ARG1: variants seen among roughly 807,000 people sequenced by gnomAD.
ARG1 encodes the protein arginase-1.
A neutral mutation model predicts 33.0 loss-of-function variants in ARG1; 20 were observed. The ratio of observed to expected loss-of-function variants is 0.61; its 90% CI spans 0.43 to 0.88. The LOEUF (loss-of-function observed/expected upper bound fraction) is 0.88, where lower values mean the gene tolerates loss of function less well. Among genes scored for constraint, ARG1 ranks in the 40% least tolerant of loss-of-function variants. The pLI, the probability that ARG1 is intolerant of heterozygous loss-of-function variation, is 0.00. For missense variants in ARG1, 374 were observed against 384.7 expected, an observed-to-expected ratio of 0.97 and a Z score of 0.23; for synonymous variants, 146 against 140.6, an observed-to-expected ratio of 1.04 and a Z score of -0.27.
chr6:131,580,650 T>C (rs1773872347), intron 3 of ARG1, among the ~76,000 whole-genome samples: 1 of 152,146 alleles, frequency 6.6e-6, no homozygotes, highest in Admixed American at 6.6e-5. Flanking sequence ...CCTGGTTGAG[T>C]GGGTAACTAG....
Position 131,583,784 on chromosome 6 carries a change from T to C in ARG1, c.845T>C (p.Leu282Pro). The stretch of plus-strand genomic sequence containing the variant: ...GATATAATGGAAGTGAACCCATCCC[T>C]GGGGAAGACACCAGAAGAAGTAACT... ...GLDIMEVNPS[L>P]GKTPEEVTRT... The change falls in exon 8 of 8, where the codon CTG (leucine) becomes CCG (proline). Residue 282 changes from leucine (L) to proline (P), a missense_variant. By Grantham distance (98) the Leu-to-Pro change is moderately conservative. Coordinates refer to ENST00000368087, the MANE Select transcript of ARG1 (RefSeq NM_000045.4). 2 of 1,614,146 alleles carry C rather than the reference T, an allele frequency of 1.2e-6. No homozygotes were observed. Among genetic ancestry groups the C allele is most frequent in the Non-Finnish European group, 1.7e-6 (2 of 1,180,000 alleles).
In ARG1 at chr6:131,581,269, G is replaced by C; in HGVS notation, c.356G>C (p.Gly119Ala). ...SGHARVHPDLGVIWVDAHTDI... is the reference protein window; with the variant it reads ...SGHARVHPDLAVIWVDAHTDI... ...CATGCCAGGGTCCACCCTGATCTTG[G>C]AGTCATCTGGGTGGATGCTCACACT... The change falls in exon 4 of 8, where the codon GGA becomes GCA. Residue 119 changes from glycine (G) to alanine (A), a missense_variant. Transcript: ENST00000368087. 1 of 1,613,900 alleles carries C rather than the reference G, an allele frequency of 6.2e-7. No individual in the cohort carries two copies. The highest frequency in any genetic ancestry group is 1.1e-5 in the South Asian group (1 of 91,068).
At position 131,583,831 on chromosome 6, in the gene ARG1, G is replaced by T; in HGVS notation, c.892G>T (p.Ala298Ser). The change falls in exon 8 of 8, where the codon GCA (alanine) becomes TCA (serine). Residue 298 changes from alanine to serine, a missense_variant. By Grantham distance (99) the Ala-to-Ser change is moderately conservative (BLOSUM62 1). Transcript: ENST00000368087. ...AACTCGAACAGTGAACACAGCAGTT[G>T]CAATAACCTTGGCTTGTTTCGGACT... Reference protein sequence around the residue: ...EVTRTVNTAVAITLACFGLAR... With the variant: ...EVTRTVNTAVSITLACFGLAR... 6.2e-7 allele frequency: 1 copy of T among 1,614,120 alleles called. No individual in the cohort carries two copies. The highest frequency in any genetic ancestry group is 8.5e-7 in the Non-Finnish European group (1 of 1,180,000).
chr6:131,584,038 T>C lies in ARG1; in HGVS notation c.*130T>C. On this transcript the variant is annotated 3_prime_UTR_variant, in exon 8 of 8. Coordinates refer to ENST00000368087, the MANE Select transcript of ARG1 (RefSeq NM_000045.4). ...AAATGTTTTTCCAATTAGTATAAAC[T>C]CTACAAATTCCCTCTTGGTGTAAAA... 9.9e-7 allele frequency: 1 copy of C among 1,005,958 alleles called. No homozygotes were observed. The highest frequency in any genetic ancestry group is 1.4e-6 in the Non-Finnish European group (1 of 701,546). The allele number at this position is 1,005,958 out of a possible 1,614,324, so 62.3% of individuals were successfully genotyped here.
chr6:131,576,575 C>CA, intron 1 of ARG1, 88 bp from the exon 2 acceptor site: 1 of 1,273,518 alleles, frequency 7.9e-7, no homozygotes, highest in Non-Finnish European at 1.1e-6. Context: ...AGTTACAGTT[C>CA]AACTGATTAA....
chr6:131,574,967 AC>A (rs1188731913), intron 1 of ARG1, among the ~76,000 whole-genome samples: 3 of 152,172 alleles, frequency 2.0e-5, no homozygotes, highest in South Asian at 4.1e-4. Flanking sequence ...GTCTCTTCAG[AC>A]TATTCAACTC....
chr6:131,582,660 A>G lies in ARG1; in HGVS notation c.505A>G (p.Ile169Val), dbSNP rs949681378. 6.2e-6 allele frequency: 10 copies of G among 1,613,772 alleles called. No individual in the cohort carries two copies. The highest frequency in any genetic ancestry group is 7.6e-6 in the Non-Finnish European group (9 of 1,179,834). ...AGGATTCTCCTGGGTGACTCCCTGT[A>G]TATCTGCCAAGGATATTGTGTATAT... ...VPGFSWVTPC[I>V]SAKDIVYIGL... The change falls in exon 5 of 8, where the codon ATA (isoleucine) becomes GTA (valine). Residue 169 changes from isoleucine (I) to valine (V), a missense_variant. Transcript: ENST00000368087.
intron 1 of ARG1, among the ~76,000 whole-genome samples, chr6:131,575,631 G>A (rs1389571756): frequency 6.6e-6 from 1 of 152,170 alleles, no homozygotes; most frequent in African/African-American, 2.4e-5. Context: ...CAATCCTAAA[G>A]ATAGACACAC....
intron 3 of ARG1, among the ~76,000 whole-genome samples, chr6:131,580,041 A>T (rs145735519): frequency 4.6e-5 from 7 of 152,320 alleles, no homozygotes; most frequent in African/African-American, 1.7e-4. Context: ...AGGTTGCATT[A>T]TAATTTTCAC....
intron 1 of ARG1, among the ~76,000 whole-genome samples, chr6:131,574,853 G>T (rs1419506126): frequency 1.3e-5 from 2 of 152,140 alleles, no homozygotes; most frequent in Non-Finnish European, 2.9e-5. Context: ...TTAAAAAAAA[G>T]CCCAGAGAGG....
intron 1 of ARG1, 178 bp from the exon 2 acceptor site, chr6:131,576,485 A>G (rs1294294042): frequency 1.6e-6 from 1 of 630,294 alleles, no homozygotes; most frequent in African/African-American, 1.8e-5. Context: ...ATTTGGCATA[A>G]AAGTCATTCA....
Position 131,584,091 on chromosome 6 carries a change from T to A in ARG1, c.*183T>A. Reference sequence around the variant, plus strand: ...CAAGATGTGGAAATTCTAACTTTTTTGAAATTTAAAAGCTTATATTTTCTA... The same window carrying A: ...CAAGATGTGGAAATTCTAACTTTTTAGAAATTTAAAAGCTTATATTTTCTA... On this transcript the variant is annotated 3_prime_UTR_variant, in exon 8 of 8. Transcript: ENST00000368087. The A allele has an allele frequency of 4.3e-6, 3 of 705,768 alleles. No individual in the cohort carries two copies. Among genetic ancestry groups the A allele is most frequent in the Non-Finnish European group, 4.5e-6 (2 of 441,724 alleles). The allele number at this position is 705,768 out of a possible 1,614,324, so 43.7% of individuals were successfully genotyped here.
rs1774052665 is a variant in ARG1, at chr6:131,583,621, T to C, written c.803-121T>C. Reference sequence around the variant, plus strand: ...TCCATCAGTCACATGATGCAATAACTAAAGTGTTTTCCATCGGTTACTACC... The same window carrying C: ...TCCATCAGTCACATGATGCAATAACCAAAGTGTTTTCCATCGGTTACTACC... On this transcript the variant is annotated intron_variant, in intron 7 of 7. Transcript: ENST00000368087. 87 of 1,514,104 alleles carry C rather than the reference T, an allele frequency of 5.7e-5. 1 individual carries two copies. In the South Asian group the frequency reaches 1.0e-3, roughly 18 times the overall value. The allele number at this position is 1,514,104 out of a possible 1,614,324, so 93.8% of individuals were successfully genotyped here.
chr6:131,583,756 T>C lies in ARG1; in HGVS notation c.817T>C (p.Leu273=). 11 of 1,613,966 alleles carry C rather than the reference T, an allele frequency of 6.8e-6. No individual in the cohort carries two copies. The highest frequency in any genetic ancestry group is 9.3e-6 in the Non-Finnish European group (11 of 1,179,876). Residue 273 remains leucine, a synonymous_variant, in exon 8 of 8, where the codon TTA becomes CTA. Coordinates refer to ENST00000368087, the MANE Select transcript of ARG1 (RefSeq NM_000045.4). ...TGTTGTTGTAGGGCTACTCTCAGGATTAGATATAATGGAAGTGAACCCATC... is the reference window on the plus strand; with the variant it reads ...TGTTGTTGTAGGGCTACTCTCAGGACTAGATATAATGGAAGTGAACCCATC... The part of the protein sequence containing the change: ...EIYKTGLLSG[L]DIMEVNPSLG...
intron 5 of ARG1, 99 bp downstream of exon 5, chr6:131,582,814 G>C (rs911496463): frequency 3.7e-5 from 34 of 911,924 alleles, no homozygotes; most frequent in Middle Eastern, 2.2e-4. Flanking sequence ...TAAACATCAA[G>C]ACACACACAC....
chr6:131,582,778 T>C, intron 5 of ARG1, 63 bp downstream of exon 5: 2 of 1,368,266 alleles, frequency 1.5e-6, no homozygotes, highest in Non-Finnish European at 2.1e-6. Context: ...AGATATGCTT[T>C]ACTGACCAAC....
Position 131,573,983 on chromosome 6 carries a change from A to G in ARG1, c.57+644A>G, listed in dbSNP as rs1179008911. 1.6e-5 allele frequency: 7 copies of G among 439,920 alleles called. No homozygotes were observed. In the Admixed American group the frequency reaches 2.1e-4, roughly 13 times the overall value. 27.3% of individuals were successfully genotyped at this position (439,920 alleles called of 1,614,324 possible). A position where few individuals can be genotyped will look rare whatever the true frequency, so the allele number is the denominator to read the frequency against. On this transcript the variant is annotated intron_variant, in intron 1 of 7. Coordinates refer to ENST00000368087, the MANE Select transcript of ARG1 (RefSeq NM_000045.4). ...ACTGCGGGTTGGCAACTCTAAAAGGATTTTAATGGATTTATGAAACCCCCA... is the reference window on the plus strand; with the variant it reads ...ACTGCGGGTTGGCAACTCTAAAAGGGTTTTAATGGATTTATGAAACCCCCA...
chr6:131,583,854 A>C lies in ARG1; in HGVS notation c.915A>C (p.Gly305=). 6.2e-7 allele frequency: 1 copy of C among 1,614,152 alleles called. No homozygotes were observed. The highest frequency in any genetic ancestry group is 8.5e-7 in the Non-Finnish European group (1 of 1,179,998). The change falls in exon 8 of 8, where the codon GGA becomes GGC. Residue 305 remains glycine (G), a synonymous_variant. Coordinates refer to ENST00000368087, the MANE Select transcript of ARG1 (RefSeq NM_000045.4). ...TAVAITLACF[G]LAREGNHKPI... Reference sequence around the variant, plus strand: ...TTGCAATAACCTTGGCTTGTTTCGGACTTGCTCGGGAGGGTAATCACAAGC... The same window carrying C: ...TTGCAATAACCTTGGCTTGTTTCGGCCTTGCTCGGGAGGGTAATCACAAGC...
intron 5 of ARG1, 75 bp from the exon 6 acceptor site, chr6:131,582,985 A>G (rs1240265980): frequency 4.9e-6 from 5 of 1,028,064 alleles, no homozygotes; most frequent in Non-Finnish European, 7.3e-6. Flanking sequence ...TACTATATTT[A>G]TATTTCCCTT....
Sources: gnomAD v4.1 joint callset for allele counts (sites outside exome capture counted in the v4.1 genomes callset) on GRCh38, gnomAD v4.1.1 for gene constraint, MANE v1.5 for transcripts, NCBI Gene and HGNC (gene_info 2026-07-23, HGNC 2026-07-21) for gene names.